Variants in GTF2A1 observed in about 807,000 individuals in gnomAD.
The protein encoded by GTF2A1 is general transcription factor IIA subunit 1.
Under a neutral mutation model 54.1 loss-of-function variants are expected in GTF2A1, and 12 were observed. The observed-to-expected ratio is 0.22, with a 90% confidence interval of 0.14 to 0.36. The LOEUF (loss-of-function observed/expected upper bound fraction) is 0.36. Ranked by LOEUF, GTF2A1 falls within the 10% of genes least tolerant of loss-of-function variation. GTF2A1 has a pLI of 1.00. For missense variants in GTF2A1, 335 were observed against 442.2 expected (o/e 0.76, Z 2.17); for synonymous variants, 145 against 152.0 (o/e 0.95, Z 0.34).
intron 1 of GTF2A1, among the ~76,000 whole-genome samples, chr14:81,219,024 ACATT>A: frequency 6.6e-6 from 1 of 152,242 alleles, no homozygotes; most frequent in East Asian, 1.9e-4. Context: ...TCTGCAGCTA[ACATT>A]TTCCATGTAG....
intron 4 of GTF2A1, among the ~76,000 whole-genome samples, chr14:81,200,526 C>T (rs1893082019): frequency 1.3e-5 from 2 of 151,432 alleles, no homozygotes; most frequent in African/African-American, 4.9e-5. Flanking sequence ...ACTCAGGAGG[C>T]TGAGGTGGGA....
intron 7 of GTF2A1, 95 bp downstream of exon 7, chr14:81,192,424 C>T: frequency 1.1e-6 from 1 of 924,562 alleles, no homozygotes; most frequent in Non-Finnish European, 1.7e-6. Flanking sequence ...ACCTAACAGT[C>T]TCTGAAAAAA....
intron 7 of GTF2A1, among the ~76,000 whole-genome samples, chr14:81,191,912 C>T (rs1047193725): frequency 3.3e-5 from 5 of 152,044 alleles, no homozygotes; most frequent in Non-Finnish European, 5.9e-5. Flanking sequence ...TTTAGGCTAA[C>T]GAAGGCAATT....
intron 8 of GTF2A1, among the ~76,000 whole-genome samples, chr14:81,182,306 C>G (rs1316405297): frequency 6.6e-6 from 1 of 152,190 alleles, no homozygotes; most frequent in East Asian, 1.9e-4. Flanking sequence ...AATGTAGCAT[C>G]TTAAGATTGA....
chr14:81,194,985 C>T (rs1395176277), intron 6 of GTF2A1, among the ~76,000 whole-genome samples: 1 of 151,820 alleles, frequency 6.6e-6, no homozygotes, highest in African/African-American at 2.4e-5. Context: ...ATTAAAAATA[C>T]AAAAATTAGC....
intron 7 of GTF2A1, among the ~76,000 whole-genome samples, chr14:81,191,036 AAG>A (rs1892864597): frequency 6.6e-6 from 1 of 152,204 alleles, no homozygotes; most frequent in African/African-American, 2.4e-5. Flanking sequence ...GGAAACGGGC[AAG>A]AGACCTCAAT....
chr14:81,189,026 C>T (rs1451728229), intron 7 of GTF2A1, among the ~76,000 whole-genome samples: 1 of 152,026 alleles, frequency 6.6e-6, no homozygotes, highest in East Asian at 1.9e-4. Context: ...CAACAAATAG[C>T]ATAAATAGCA....
intron 2 of GTF2A1, among the ~76,000 whole-genome samples, chr14:81,207,101 G>A (rs1036654244): frequency 2.6e-5 from 4 of 151,758 alleles, no homozygotes; most frequent in Admixed American, 1.3e-4. Context: ...TGGAACCACA[G>A]CAAAGTAATT....
chr14:81,188,215 T>C (rs1052396817), intron 7 of GTF2A1, among the ~76,000 whole-genome samples: 3 of 152,196 alleles, frequency 2.0e-5, no homozygotes, highest in African/African-American at 7.2e-5. Context: ...CTTTATATAT[T>C]CTGGATAGTA....
Position 81,177,234 on chromosome 14 carries a change from C to G in GTF2A1, c.*2989G>C, listed in dbSNP as rs1595201449. 1 of 152,086 alleles carries G rather than the reference C, an allele frequency of 6.6e-6. No homozygotes were observed. Among genetic ancestry groups the G allele is most frequent in the Non-Finnish European group, 1.5e-5 (1 of 67,968 alleles). The allele number at this position is 152,086 out of a possible 1,614,324, so 9.4% of individuals were successfully genotyped here. ...GTGGCTTTGCTTTTAAAAGAGGCAA[C>G]AGTGTAAATGTGACATTATGATGGC... is the stretch of plus-strand genomic sequence containing the variant. On this transcript the variant is annotated 3_prime_UTR_variant, in exon 9 of 9. Transcript: ENST00000553612.
Position 81,204,010 on chromosome 14 carries a change from G to A in GTF2A1, c.227C>T (p.Pro76Leu). Residue 76 changes from proline (P) to leucine (L), a missense_variant, in exon 3 of 9, where the codon CCC (proline) becomes CTC (leucine). Physicochemically the swap from Pro to Leu is moderately conservative, Grantham distance 98. This residue lies in a region of GTF2A1 where 306 missense variants were observed against 360.4 expected (regional missense o/e 0.85). Coordinates refer to ENST00000553612, the MANE Select transcript of GTF2A1 (RefSeq NM_015859.4). ...ATGGTGGTGATGCTGCTGCTGCTGG[G>A]GTTGATGCTGCTGTTGAACTTGCAG... ...LLLQVQQQHQPQQQQHHHHHH... is the reference protein window; with the variant it reads ...LLLQVQQQHQLQQQQHHHHHH... 6.2e-7 allele frequency: 1 copy of A among 1,613,514 alleles called. No individual in the cohort carries two copies. Among genetic ancestry groups the A allele is most frequent in the Non-Finnish European group, 8.5e-7 (1 of 1,179,548 alleles).
chr14:81,193,014 A>G (rs1231975527), intron 6 of GTF2A1, among the ~76,000 whole-genome samples, 175 bp from the exon 7 acceptor site: 1 of 152,200 alleles, frequency 6.6e-6, no homozygotes, highest in African/African-American at 2.4e-5. Context: ...TTAAATTTCT[A>G]TTTTATCAAA....
At chr14:81,187,682 C>T (rs964604334) in intron 7 of GTF2A1, among the ~76,000 whole-genome samples, 24 of 152,274 alleles carry the variant, frequency 1.6e-4, no homozygotes, top group Non-Finnish European at 2.5e-4. Flanking sequence ...GTAGCATATA[C>T]GAATACTTCA....
intron 2 of GTF2A1, among the ~76,000 whole-genome samples, chr14:81,215,425 GA>G (rs1162481248): frequency 2.0e-5 from 3 of 152,124 alleles, no homozygotes; most frequent in African/African-American, 7.2e-5. Context: ...TGGACCCCCT[GA>G]AAGAACCCTT....
chr14:81,218,184 G>A (rs574781712), intron 1 of GTF2A1, among the ~76,000 whole-genome samples: 2 of 151,840 alleles, frequency 1.3e-5, no homozygotes, highest in East Asian at 1.9e-4. Flanking sequence ...TTGACAATAT[G>A]TATGCTTTTC....
intron 2 of GTF2A1, among the ~76,000 whole-genome samples, chr14:81,211,604 C>T (rs1893365143): frequency 6.6e-6 from 1 of 152,014 alleles, no homozygotes; most frequent in African/African-American, 2.4e-5. Flanking sequence ...TGTCTCCAGG[C>T]CACATCAGAG....
intron 7 of GTF2A1, among the ~76,000 whole-genome samples, chr14:81,186,408 G>C (rs1487917587): frequency 6.6e-6 from 1 of 152,114 alleles, no homozygotes; most frequent in Non-Finnish European, 1.5e-5. Flanking sequence ...TGTTTAGCAT[G>C]ATGATGGTTA....
At chr14:81,200,130 A>G (rs1893071589) in intron 4 of GTF2A1, among the ~76,000 whole-genome samples, 1 of 152,198 alleles carries the variant, frequency 6.6e-6, no homozygotes, top group Non-Finnish European at 1.5e-5. Context: ...GTGAATTTAA[A>G]AACTGCAATT....
chr14:81,217,592 G>A (rs1893513968), intron 1 of GTF2A1, among the ~76,000 whole-genome samples: 1 of 152,156 alleles, frequency 6.6e-6, no homozygotes. Flanking sequence ...TTGAGCTCAA[G>A]AGTTCAAGAC....
Sources: gnomAD v4.1 joint callset for allele counts (sites outside exome capture counted in the v4.1 genomes callset) on GRCh38, gnomAD v4.1.1 for gene constraint, gnomAD v4.1.1 regional missense constraint, MANE v1.5 for transcripts, NCBI Gene and HGNC (gene_info 2026-07-23, HGNC 2026-07-21) for gene names.